Variants in LRMDA observed in about 807,000 individuals in gnomAD.
LRMDA encodes the protein leucine-rich melanocyte differentiation-associated protein.
In LRMDA, 18 loss-of-function variants were observed where a neutral mutation model predicts 29.8. The observed-to-expected ratio is 0.60, with a 90% CI of 0.42 to 0.90. LRMDA has a LOEUF of 0.90. Among genes scored for constraint, LRMDA ranks in the 40% least tolerant of loss-of-function variants. The pLI, the probability that LRMDA is intolerant of heterozygous loss-of-function variation, is 0.00. For synonymous variants in LRMDA, 125 were observed against 109.4 expected, an observed-to-expected ratio of 1.14 and a Z score of -0.89; for missense variants, 273 against 273.9, an observed-to-expected ratio of 1.00 and a Z score of 0.02.
intron 2 of LRMDA, among the ~76,000 whole-genome samples, chr10:75,934,690 C>T (rs983238855): frequency 2.6e-5 from 4 of 152,096 alleles, no homozygotes; most frequent in East Asian, 1.9e-4. Flanking sequence ...TGGGCACTCT[C>T]GGTCAGTGCC....
At chr10:75,848,294 A>T (rs930537725) in intron 2 of LRMDA, among the ~76,000 whole-genome samples, 1 of 152,236 alleles carries the variant, frequency 6.6e-6, no homozygotes, top group Admixed American at 6.5e-5. Flanking sequence ...GAAATTAGCC[A>T]GTCACAAAAG....
intron 5 of LRMDA, among the ~76,000 whole-genome samples, chr10:76,306,996 G>A (rs1840564365): frequency 6.6e-6 from 1 of 152,188 alleles, no homozygotes; most frequent in Non-Finnish European, 1.5e-5. Flanking sequence ...GTGTGGAGGA[G>A]TGGAGGAAGC....
chr10:75,889,450 C>T (rs893142717), intron 2 of LRMDA, among the ~76,000 whole-genome samples: 2 of 152,158 alleles, frequency 1.3e-5, no homozygotes, highest in Non-Finnish European at 1.5e-5. Context: ...TCTTAGGTTT[C>T]CCCTCCTTGC....
chr10:75,642,290 C>G (rs1340848354), intron 2 of LRMDA, among the ~76,000 whole-genome samples: 2 of 148,992 alleles, frequency 1.3e-5, no homozygotes, highest in African/African-American at 5.2e-5. Flanking sequence ...CCTGTTGGTT[C>G]CATGGTGAGT....
chr10:76,063,036 T>C (rs551356243), intron 5 of LRMDA, among the ~76,000 whole-genome samples: 49 of 152,336 alleles, frequency 3.2e-4, no homozygotes, highest in African/African-American at 1.1e-3. Flanking sequence ...TTGTAATTAT[T>C]CATCCCTGTT....
intron 2 of LRMDA, among the ~76,000 whole-genome samples, chr10:76,018,706 T>A (rs1404271538): frequency 7.3e-6 from 1 of 136,208 alleles, no homozygotes; most frequent in Non-Finnish European, 1.6e-5. Context: ...TTCCTGAGAC[T>A]ACAGGTGTGC....
At chr10:75,768,958 G>C (rs1490319311) in intron 2 of LRMDA, among the ~76,000 whole-genome samples, 1 of 152,202 alleles carries the variant, frequency 6.6e-6, no homozygotes, top group African/African-American at 2.4e-5. Flanking sequence ...CTGCAATTCA[G>C]ATGTGAGATA....
intron 2 of LRMDA, among the ~76,000 whole-genome samples, chr10:75,990,329 T>C (rs1847346455): frequency 6.6e-6 from 1 of 152,176 alleles, no homozygotes; most frequent in Non-Finnish European, 1.5e-5. Flanking sequence ...AAAATGGGCC[T>C]CCAGAATTTG....
chr10:75,966,024 A>G (rs1311351198), intron 2 of LRMDA, among the ~76,000 whole-genome samples: 1 of 152,230 alleles, frequency 6.6e-6, no homozygotes, highest in Admixed American at 6.5e-5. Flanking sequence ...ATTCTAATCT[A>G]GCATATCATT....
chr10:75,553,137 A>T (rs1840173006), intron 2 of LRMDA, among the ~76,000 whole-genome samples: 1 of 152,192 alleles, frequency 6.6e-6, no homozygotes, highest in Admixed American at 6.5e-5. Flanking sequence ...ATGCCAGATA[A>T]TGCATATAAA....
chr10:75,929,758 A>G (rs1846178517), intron 2 of LRMDA, among the ~76,000 whole-genome samples: 1 of 152,190 alleles, frequency 6.6e-6, no homozygotes, highest in Non-Finnish European at 1.5e-5. Flanking sequence ...GAGGGTTACA[A>G]TGACATAGCA....
At position 76,500,444 on chromosome 10, in the gene LRMDA, C is replaced by G. The variant is rs1192528555; in HGVS notation, c.602-56765C>G. On this transcript the variant is annotated intron_variant, in intron 6 of 6. Coordinates refer to ENST00000611255, the MANE Select transcript of LRMDA (RefSeq NM_001305581.2). The stretch of plus-strand genomic sequence containing the variant: ...TGGTCCATCTTGTGGTTAATACATA[C>G]TGCCCTCCAGCATATCTGTGATATT... Among the ~76,000 whole-genome samples, 2 of 76,104 alleles carry G rather than the reference C, an allele frequency of 2.6e-5. 1 individual carries two copies. Among genetic ancestry groups the G allele is most frequent in the Admixed American group, 2.4e-4 (2 of 8,188 alleles). The allele number at this position is 76,104 out of a possible 152,430, so 49.9% of individuals were successfully genotyped here.
intron 6 of LRMDA, among the ~76,000 whole-genome samples, chr10:76,388,388 ATGC>A (rs1220269614): frequency 6.6e-6 from 1 of 152,198 alleles, no homozygotes; most frequent in Non-Finnish European, 1.5e-5. Context: ...GAAGACATGA[ATGC>A]TAGGGCTGAC....
chr10:75,888,219 GAA>G (rs1033611625), intron 2 of LRMDA, among the ~76,000 whole-genome samples: 5 of 151,904 alleles, frequency 3.3e-5, no homozygotes, highest in Non-Finnish European at 5.9e-5. Flanking sequence ...CAGTACTGAA[GAA>G]AAAAAGAGAG....
At chr10:76,475,079 C>T (rs974965036) in intron 6 of LRMDA, among the ~76,000 whole-genome samples, 1 of 151,572 alleles carries the variant, frequency 6.6e-6, no homozygotes, top group African/African-American at 2.4e-5. Context: ...ACCTTGAAAA[C>T]ATTATGCTAA....
intron 2 of LRMDA, among the ~76,000 whole-genome samples, chr10:75,919,689 G>C (rs1845995954): frequency 6.6e-6 from 1 of 152,058 alleles, no homozygotes; most frequent in Admixed American, 6.5e-5. Flanking sequence ...AAATCTTTAG[G>C]CATTCTGTAA....
chr10:75,497,156 A>G lies in LRMDA; in HGVS notation c.131+58662A>G, dbSNP rs1845054970. ...AGATGATAAAATCATGCTACATGTCAGGGTGGCATTCACAGCTCCATGGTT... is the reference window on the plus strand; with the variant it reads ...AGATGATAAAATCATGCTACATGTCGGGGTGGCATTCACAGCTCCATGGTT... On this transcript the variant is annotated intron_variant, in intron 2 of 6. Coordinates refer to ENST00000611255, the MANE Select transcript of LRMDA (RefSeq NM_001305581.2). Among the ~76,000 whole-genome samples, 2 of 152,202 alleles carry G rather than the reference A, an allele frequency of 1.3e-5. 1 individual carries two copies. The highest frequency in any genetic ancestry group is 4.8e-5 in the African/African-American group (2 of 41,452).
intron 6 of LRMDA, among the ~76,000 whole-genome samples, chr10:76,446,317 G>A (rs1842353767): frequency 1.3e-5 from 2 of 152,038 alleles, no homozygotes; most frequent in Non-Finnish European, 2.9e-5. Context: ...TTGCTATTGT[G>A]AGCAAAGCTG....
At chr10:76,522,122 T>G (rs1339014532) in intron 6 of LRMDA, among the ~76,000 whole-genome samples, 1 of 152,208 alleles carries the variant, frequency 6.6e-6, no homozygotes, top group African/African-American at 2.4e-5. Flanking sequence ...GAATCAAGAT[T>G]AACTGAAATT....
Sources: allele counts gnomAD v4.1 joint callset (sites outside exome capture counted in the v4.1 genomes callset), GRCh38; gene constraint gnomAD v4.1.1; transcripts MANE v1.5; gene names NCBI Gene and HGNC (gene_info 2026-07-23, HGNC 2026-07-21).